Variants in PLCXD3 observed in about 807,000 individuals in gnomAD.
PLCXD3 encodes phosphatidylinositol specific phospholipase C X domain containing 3.
Under a neutral mutation model 25.5 loss-of-function variants are expected in PLCXD3, and 19 were observed. That is an observed-to-expected ratio of 0.75 (90% CI 0.52 to 1.09). The LOEUF is 1.09. Among genes scored for constraint, PLCXD3 ranks in the 50% least tolerant of loss-of-function variants. The pLI, the probability that PLCXD3 is intolerant of heterozygous loss-of-function variation, is 0.00. For missense variants in PLCXD3, 411 were observed against 388.1 expected, an observed-to-expected ratio of 1.06 and a Z score of -0.50; for synonymous variants, 174 against 137.6, an observed-to-expected ratio of 1.26 and a Z score of -1.85.
intron 2 of PLCXD3, among the ~76,000 whole-genome samples, chr5:41,329,648 CCAGT>C (rs1007655173): frequency 6.6e-6 from 1 of 151,702 alleles, no homozygotes; most frequent in Admixed American, 6.6e-5. Flanking sequence ...TTCAAATTGA[CCAGT>C]CAATTTGAAA....
chr5:41,334,130 A>T (rs545082708), intron 2 of PLCXD3, among the ~76,000 whole-genome samples: 2 of 152,300 alleles, frequency 1.3e-5, no homozygotes, highest in South Asian at 4.1e-4. Flanking sequence ...AACTGAATTG[A>T]TGTTAAAAAT....
rs141814247 is a variant in PLCXD3, at chr5:41,415,992, A to T, written c.104-33458T>A. Among the ~76,000 whole-genome samples the T allele has an allele frequency of 3.4e-4, 52 of 152,302 alleles. No individual in the cohort carries two copies. The East Asian group carries it at 6.4e-3, about 19-fold the overall frequency. ...GATAAGAATCAGGAGTGTTACCAGA[A>T]ACTGGAAGGAGAGGGCTATAATGAA... On this transcript the variant is annotated intron_variant, in intron 1 of 2. Transcript: ENST00000377801.
At chr5:41,318,793 G>A (rs1450214697) in intron 2 of PLCXD3, among the ~76,000 whole-genome samples, 2 of 152,058 alleles carry the variant, frequency 1.3e-5, no homozygotes, top group African/African-American at 4.8e-5. Flanking sequence ...CCAATCAAAA[G>A]ACATAGCCTG....
chr5:41,425,140 T>C (rs1746925207), intron 1 of PLCXD3, among the ~76,000 whole-genome samples: 1 of 152,220 alleles, frequency 6.6e-6, no homozygotes, highest in South Asian at 2.1e-4. Context: ...CTTGTTATAA[T>C]GCTTTTTGCA....
intron 1 of PLCXD3, among the ~76,000 whole-genome samples, chr5:41,496,823 C>T (rs949813622): frequency 6.6e-6 from 1 of 151,406 alleles, no homozygotes; most frequent in Non-Finnish European, 1.5e-5. Flanking sequence ...ATATGTAAAT[C>T]ATTTTCAATT....
At chr5:41,447,729 C>A (rs1747536982) in intron 1 of PLCXD3, among the ~76,000 whole-genome samples, 1 of 152,180 alleles carries the variant, frequency 6.6e-6, no homozygotes, top group African/African-American at 2.4e-5. Context: ...TCCCTCTCTG[C>A]AAATAGAATG....
chr5:41,392,558 C>T (rs77022609), intron 1 of PLCXD3, among the ~76,000 whole-genome samples: 16,601 of 152,152 alleles, frequency 0.11, 1,085 homozygotes, highest in Admixed American at 0.17. Context: ...CAAGTCCTTT[C>T]GAGTATCTGG....
At chr5:41,356,884 TG>T (rs1466360861) in intron 2 of PLCXD3, among the ~76,000 whole-genome samples, 18 of 152,186 alleles carry the variant, frequency 1.2e-4, no homozygotes, top group Admixed American at 3.3e-4. Context: ...AAGGGCTCCA[TG>T]GGGGTGTGAA....
intron 1 of PLCXD3, among the ~76,000 whole-genome samples, chr5:41,446,324 T>C (rs1375591722): frequency 6.6e-6 from 1 of 151,984 alleles, no homozygotes; most frequent in Non-Finnish European, 1.5e-5. Flanking sequence ...TACCCTTGGC[T>C]TTGGAGAATG....
chr5:41,403,013 G>GC (rs1022227365), intron 1 of PLCXD3, among the ~76,000 whole-genome samples: 4 of 151,980 alleles, frequency 2.6e-5, no homozygotes, highest in African/African-American at 9.7e-5. Flanking sequence ...CACTGCTATG[G>GC]TTAGGTAAAT....
At position 41,510,450 on chromosome 5, in the gene PLCXD3, A is replaced by G; in HGVS notation, c.77T>C (p.Ile26Thr). 6.2e-7 allele frequency: 1 copy of G among 1,610,078 alleles called. No homozygotes were observed. Among genetic ancestry groups the G allele is most frequent in the Non-Finnish European group, 8.5e-7 (1 of 1,178,158 alleles). Residue 26 changes from isoleucine (I) to threonine (T), a missense_variant, in exon 1 of 3, where the codon ATC becomes ACC. Coordinates refer to ENST00000377801, the MANE Select transcript of PLCXD3 (RefSeq NM_001005473.3). ...MATLPESMHSIPLTNLAIPGS... is the reference protein window; with the variant it reads ...MATLPESMHSTPLTNLAIPGS... ...TGGAATGGCTAAATTGGTGAGGGGG[A>G]TGCTGTGCATGCTCTCCGGCAGAGT...
chr5:41,483,970 A>T (rs906219208), intron 1 of PLCXD3, among the ~76,000 whole-genome samples: 1 of 152,130 alleles, frequency 6.6e-6, no homozygotes, highest in Non-Finnish European at 1.5e-5. Flanking sequence ...CTCCAAATGC[A>T]TTAATGTAGA....
chr5:41,472,899 T>C (rs1273550458), intron 1 of PLCXD3, among the ~76,000 whole-genome samples: 1 of 151,336 alleles, frequency 6.6e-6, no homozygotes, highest in Non-Finnish European at 1.5e-5. Context: ...TAAGGAACAA[T>C]TTTTTTTTGC....
Position 41,310,349 on chromosome 5 carries a change from C to T in PLCXD3, c.*3268G>A, listed in dbSNP as rs1743105254. ...TCATTCCACCCACTCCTTTGATTTC[C>T]TGCTGTAGATTGGGTAAAAGTTAGA... On this transcript the variant is annotated 3_prime_UTR_variant, in exon 3 of 3. Transcript: ENST00000377801. 6.6e-6 allele frequency: 1 copy of T among 152,084 alleles called. No individual in the cohort carries two copies. The highest frequency in any genetic ancestry group is 1.5e-5 in the Non-Finnish European group (1 of 68,012). 9.4% of individuals were successfully genotyped at this position (152,084 alleles called of 1,614,324 possible). A position where few individuals can be genotyped will look rare whatever the true frequency, so the allele number is the denominator to read the frequency against.
At chr5:41,489,704 T>A (rs1376711758) in intron 1 of PLCXD3, among the ~76,000 whole-genome samples, 1 of 152,186 alleles carries the variant, frequency 6.6e-6, no homozygotes, top group African/African-American at 2.4e-5. Flanking sequence ...TGTGTGTGAA[T>A]GGGAGTTCAC....
intron 1 of PLCXD3, among the ~76,000 whole-genome samples, chr5:41,498,430 A>T (rs12517050): frequency 0.21 from 32,353 of 151,582 alleles, 3,444 homozygotes; most frequent in East Asian, 0.28. Flanking sequence ...GGAAATGAAT[A>T]AATTCTTAGA....
At chr5:41,490,352 G>A (rs1417017996) in intron 1 of PLCXD3, among the ~76,000 whole-genome samples, 1 of 152,158 alleles carries the variant, frequency 6.6e-6, no homozygotes, top group African/African-American at 2.4e-5. Context: ...TTTTATTGAG[G>A]ATTTTTGCTT....
intron 1 of PLCXD3, among the ~76,000 whole-genome samples, chr5:41,480,605 T>C (rs1205386193): frequency 6.6e-6 from 1 of 152,008 alleles, no homozygotes; most frequent in Admixed American, 6.6e-5. Flanking sequence ...TTTAAGACAA[T>C]GTCTAGGTCC....
chr5:41,391,845 C>A lies in PLCXD3; in HGVS notation c.104-9311G>T, dbSNP rs182855432. ...TTTCCCTGAAGGGTGAGTCCCAGGC[C>A]AGGCAGCATCTACCACAAGCTGACT... On this transcript the variant is annotated intron_variant, in intron 1 of 2. Transcript: ENST00000377801. Among the ~76,000 whole-genome samples, 4 of 152,218 alleles carry A rather than the reference C, an allele frequency of 2.6e-5. No individual in the cohort carries two copies. The East Asian group carries it at 7.7e-4, about 29-fold the overall frequency.
Sources: allele counts gnomAD v4.1 joint callset (sites outside exome capture counted in the v4.1 genomes callset), GRCh38; gene constraint gnomAD v4.1.1; transcripts MANE v1.5; gene names NCBI Gene and HGNC (gene_info 2026-07-23, HGNC 2026-07-21).